GLIS3: variants seen among roughly 807,000 people sequenced by gnomAD.
The protein encoded by GLIS3 is GLIS family zinc finger 3.
Under a neutral mutation model 78.6 loss-of-function variants are expected in GLIS3, and 53 were observed. The ratio of observed to expected loss-of-function variants is 0.67; its 90% CI spans 0.54 to 0.85. The LOEUF (loss-of-function observed/expected upper bound fraction) is 0.85, where lower values mean the gene tolerates loss of function less well. Among genes scored for constraint, GLIS3 ranks in the 40% least tolerant of loss-of-function variants. The pLI, the probability that GLIS3 is intolerant of heterozygous loss-of-function variation, is 0.00. For synonymous variants in GLIS3, 684 were observed against 509.9 expected, an observed-to-expected ratio of 1.34 and a Z score of -4.60; for missense variants, 1,703 against 1,231.1, an observed-to-expected ratio of 1.38 and a Z score of -5.74.
chr9:3,937,674 A>G (rs909629561), intron 4 of GLIS3, among the ~76,000 whole-genome samples: 2 of 152,194 alleles, frequency 1.3e-5, no homozygotes, highest in African/African-American at 2.4e-5. Flanking sequence ...TGAAAAAGAC[A>G]TGTGTCCACT....
intron 8 of GLIS3, among the ~76,000 whole-genome samples, chr9:3,861,345 G>C (rs893398985): frequency 6.6e-6 from 1 of 152,126 alleles, no homozygotes; most frequent in African/African-American, 2.4e-5. Context: ...TGTAGAAGCC[G>C]TGTGGTGATT....
intron 4 of GLIS3, among the ~76,000 whole-genome samples, chr9:4,103,758 T>G (rs1830552142): frequency 6.6e-6 from 1 of 152,172 alleles, no homozygotes; most frequent in Admixed American, 6.5e-5. Context: ...ATCAATGTAT[T>G]CTCTTGGAAG....
At chr9:4,216,479 C>G (rs1020150251) in intron 2 of GLIS3, among the ~76,000 whole-genome samples, 1 of 77,158 alleles carries the variant, frequency 1.3e-5, no homozygotes, top group Non-Finnish European at 2.7e-5. Flanking sequence ...GACTCTGTCT[C>G]AAAAAAAAAA....
chr9:4,413,524 C>T, the GLIS3 span, among the ~76,000 whole-genome samples: 1 of 152,050 alleles, frequency 6.6e-6, no homozygotes, highest in African/African-American at 2.4e-5. Flanking sequence ...CTCCAGTTTC[C>T]ACCTCTAAAG....
At chr9:4,067,917 A>G (rs1365328538) in intron 4 of GLIS3, among the ~76,000 whole-genome samples, 1 of 152,176 alleles carries the variant, frequency 6.6e-6, no homozygotes, top group Non-Finnish European at 1.5e-5. Context: ...AAAGAAAAAG[A>G]TTATGATGCA....
At chr9:4,129,807 T>A (rs1442144241) in intron 2 of GLIS3, among the ~76,000 whole-genome samples, 1 of 152,074 alleles carries the variant, frequency 6.6e-6, no homozygotes, top group African/African-American at 2.4e-5. Flanking sequence ...AGCTTTGGAA[T>A]TGGGTATGGA....
intron 2 of GLIS3, among the ~76,000 whole-genome samples, chr9:4,327,910 A>T: frequency 6.6e-6 from 1 of 152,218 alleles, no homozygotes; most frequent in Middle Eastern, 3.2e-3. Context: ...GAGCTGTCCA[A>T]GTTAATTCTG....
At chr9:4,480,833 T>C in the GLIS3 span, among the ~76,000 whole-genome samples, 1,164 of 144,086 alleles carry the variant, frequency 8.1e-3, 21 homozygotes, top group African/African-American at 0.03. Flanking sequence ...TACACCTTCA[T>C]TGAAAAAAAA....
intron 2 of GLIS3, among the ~76,000 whole-genome samples, chr9:4,254,471 C>T (rs1824717477): frequency 2.0e-5 from 3 of 152,246 alleles, no homozygotes; most frequent in African/African-American, 7.2e-5. Flanking sequence ...GTAAATACTG[C>T]CTTTATGGAA....
chr9:4,373,917 C>T, the GLIS3 span, among the ~76,000 whole-genome samples: 17 of 152,214 alleles, frequency 1.1e-4, no homozygotes, highest in Non-Finnish European at 2.1e-4. Context: ...CTGCCTGCCT[C>T]GGCCTCCCAC....
intron 4 of GLIS3, among the ~76,000 whole-genome samples, chr9:4,001,690 G>C (rs1563936038): frequency 1.3e-5 from 2 of 152,142 alleles, no homozygotes; most frequent in Admixed American, 1.3e-4. Flanking sequence ...TAAGCAGTCA[G>C]TCATCATATC....
chr9:4,440,155 G>A, the GLIS3 span, among the ~76,000 whole-genome samples: 27 of 152,064 alleles, frequency 1.8e-4, no homozygotes, highest in African/African-American at 5.6e-4. Context: ...TCTTTACTCT[G>A]CTAATTGTTT....
At chr9:4,431,059 T>C in the GLIS3 span, among the ~76,000 whole-genome samples, 1 of 152,200 alleles carries the variant, frequency 6.6e-6, no homozygotes, top group Non-Finnish European at 1.5e-5. Context: ...ACCAAGTATA[T>C]GGATCAGAAA....
At chr9:4,397,779 G>GGAAAGGAGA in the GLIS3 span, among the ~76,000 whole-genome samples, 37 of 149,656 alleles carry the variant, frequency 2.5e-4, no homozygotes, top group African/African-American at 8.4e-4. Flanking sequence ...AGGAGAGGAG[G>GGAAAGGAGA]GGAGGGGAGG....
chr9:3,910,369 T>A (rs1388430034), intron 6 of GLIS3, among the ~76,000 whole-genome samples: 2 of 152,192 alleles, frequency 1.3e-5, no homozygotes, highest in Non-Finnish European at 2.9e-5. Context: ...TTATTTATTT[T>A]GAGACAGTCT....
chr9:4,270,682 C>T (rs10758589), intron 2 of GLIS3, among the ~76,000 whole-genome samples: 96,588 of 152,052 alleles, frequency 0.64, 30,982 homozygotes, highest in East Asian at 0.74. Flanking sequence ...AGTCAAACTT[C>T]TTGCAGCCTA....
intron 8 of GLIS3, among the ~76,000 whole-genome samples, chr9:3,857,907 C>T (rs1374070434): frequency 1.3e-5 from 2 of 152,106 alleles, no homozygotes; most frequent in Admixed American, 1.3e-4. Flanking sequence ...TTACAAGTTG[C>T]TCTGAGGTTG....
chr9:3,837,541 GAATA>G (rs1818429533), intron 9 of GLIS3, among the ~76,000 whole-genome samples: 1 of 152,108 alleles, frequency 6.6e-6, no homozygotes, highest in Non-Finnish European at 1.5e-5. Context: ...GTAGGCAAAC[GAATA>G]AATAAACTGC....
chr9:4,423,711 G>A, the GLIS3 span, among the ~76,000 whole-genome samples: 1 of 152,146 alleles, frequency 6.6e-6, no homozygotes, highest in Non-Finnish European at 1.5e-5. Flanking sequence ...ATGCCATAAG[G>A]GGTACATGGA....
Sources: allele counts gnomAD v4.1 joint callset (sites outside exome capture counted in the v4.1 genomes callset), GRCh38; gene constraint gnomAD v4.1.1; transcripts MANE v1.5; gene names NCBI Gene and HGNC (gene_info 2026-07-23, HGNC 2026-07-21).